The following CERS3 variants were observed in gnomAD, a reference collection of about 807,000 sequenced individuals.
CERS3 encodes LAG1 homolog, ceramide synthase 3.
A neutral mutation model predicts 50.3 loss-of-function variants in CERS3; 33 were observed. That is an observed-to-expected ratio of 0.66 (90% CI 0.50 to 0.88). The LOEUF (loss-of-function observed/expected upper bound fraction) is 0.88, where lower values mean the gene tolerates loss of function less well. Among genes scored for constraint, CERS3 ranks in the 40% least tolerant of loss-of-function variants. The pLI, the probability that CERS3 is intolerant of heterozygous loss-of-function variation, is 0.00. For synonymous variants in CERS3, 176 were observed against 155.2 expected, an observed-to-expected ratio of 1.13 and a Z score of -0.99; for missense variants, 470 against 460.3, an observed-to-expected ratio of 1.02 and a Z score of -0.19.
At chr15:100,543,643 C>T (rs937664610) in intron 1 of CERS3, among the ~76,000 whole-genome samples, 1 of 152,008 alleles carries the variant, frequency 6.6e-6, no homozygotes, top group African/African-American at 2.4e-5. Context: ...GATTCTCCTG[C>T]CTCAGCCTCC....
Position 100,467,837 on chromosome 15 carries a change from GTA to G in CERS3, c.845+1539_845+1540del, listed in dbSNP as rs1224034259. Among the ~76,000 whole-genome samples, 80 of 56,380 alleles carry G rather than the reference GTA, an allele frequency of 1.4e-3. 3 individuals carry two copies. Among genetic ancestry groups the G allele is most frequent in the Middle Eastern group, 0.017 (2 of 116 alleles). 37.0% of individuals were successfully genotyped at this position (56,380 alleles called of 152,430 possible). Reference sequence around the variant, plus strand: ...TATATATATGTGTATATATATACGTGTATATATATATATATAGATAGATAGAT... The same window carrying G: ...TATATATATGTGTATATATATACGTGTATATATATATATAGATAGATAGAT... On this transcript the variant is annotated intron_variant, in intron 10 of 11. Transcript: ENST00000679737.
intron 11 of CERS3, among the ~76,000 whole-genome samples, chr15:100,444,687 T>C (rs2033857129): frequency 6.6e-6 from 1 of 152,292 alleles, no homozygotes; most frequent in Non-Finnish European, 1.5e-5. Flanking sequence ...TCCCTACACA[T>C]CAAGCTCAGG....
At chr15:100,456,172 T>A in intron 10 of CERS3, 126 bp from the exon 11 acceptor site, 1 of 577,570 alleles carries the variant, frequency 1.7e-6, no homozygotes, top group Non-Finnish European at 2.7e-6. Flanking sequence ...CCCAGAAAAT[T>A]ATCAAAAGAA....
upstream of CERS3, among the ~76,000 whole-genome samples, chr15:100,533,226 T>A (rs10902580): frequency 0.53 from 81,236 of 151,922 alleles, 22,111 homozygotes; most frequent in South Asian, 0.65. Context: ...CTCTCCTGCT[T>A]CATTTTCCTC....
chr15:100,497,883 ACACACACACACAC>A (rs1388673774), intron 3 of CERS3, among the ~76,000 whole-genome samples: 1 of 76,792 alleles, frequency 1.3e-5, no homozygotes, highest in African/African-American at 4.8e-5. Flanking sequence ...ACACACACAC[ACACACACACACAC>A]TTTTTTTTTT....
At chr15:100,527,131 C>T (rs180927834) in intron 1 of CERS3, among the ~76,000 whole-genome samples, 2 of 152,056 alleles carry the variant, frequency 1.3e-5, no homozygotes. Context: ...CCCATCTCTA[C>T]TAAAACTACA....
chr15:100,432,826 GC>G (rs1402619584), intron 11 of CERS3, among the ~76,000 whole-genome samples: 4 of 152,168 alleles, frequency 2.6e-5, no homozygotes, highest in Non-Finnish European at 5.9e-5. Context: ...AGGTGGTAGG[GC>G]TTGATGACTG....
intron 9 of CERS3, 78 bp downstream of exon 9, chr15:100,472,846 C>T (rs1025685223): frequency 6.4e-7 from 1 of 1,566,376 alleles, no homozygotes; most frequent in Non-Finnish European, 8.8e-7. Context: ...TGCTAAATTG[C>T]TCACAATTAC....
In CERS3 at chr15:100,430,147, C is replaced by T. The variant is rs575039662; in HGVS notation, c.999+25746G>A. Reference sequence around the variant, plus strand: ...CTAACACGGTGGAACCCTGTCTCTACTAAAAATACAAAAAGTTAGCCAGTT... The same window carrying T: ...CTAACACGGTGGAACCCTGTCTCTATTAAAAATACAAAAAGTTAGCCAGTT... On this transcript the variant is annotated intron_variant, in intron 11 of 11. Coordinates refer to ENST00000679737, the MANE Select transcript of CERS3 (RefSeq NM_001378789.1). Among the ~76,000 whole-genome samples the T allele has an allele frequency of 1.4e-4, 22 of 151,900 alleles. No homozygotes were observed. The East Asian group carries it at 4.3e-3, about 29-fold the overall frequency.
At chr15:100,508,980 G>A (rs559135023) in intron 2 of CERS3, among the ~76,000 whole-genome samples, 3 of 152,230 alleles carry the variant, frequency 2.0e-5, no homozygotes, top group East Asian at 3.9e-4. Flanking sequence ...AAATGCCTGC[G>A]TTTATTTCTT....
intron 4 of CERS3, among the ~76,000 whole-genome samples, chr15:100,490,522 T>G (rs1567657634): frequency 6.6e-6 from 1 of 152,210 alleles, no homozygotes; most frequent in East Asian, 1.9e-4. Flanking sequence ...ATTTGACCAT[T>G]AAAAATTAAA....
At chr15:100,489,303 G>A (rs79886818) in intron 4 of CERS3, among the ~76,000 whole-genome samples, 2,347 of 152,198 alleles carry the variant, frequency 0.015, 62 homozygotes, top group African/African-American at 0.053. Flanking sequence ...CTCATTAGCC[G>A]AACGACCACT....
chr15:100,523,420 C>T (rs752493864), intron 1 of CERS3, among the ~76,000 whole-genome samples: 3 of 152,116 alleles, frequency 2.0e-5, no homozygotes, highest in Middle Eastern at 3.4e-3. Context: ...TTTAAGAAAT[C>T]GCCAAGTGTA....
chr15:100,438,399 T>C (rs2033528241), intron 11 of CERS3, among the ~76,000 whole-genome samples: 2 of 152,148 alleles, frequency 1.3e-5, no homozygotes, highest in South Asian at 4.1e-4. Context: ...CCAGTAGGTG[T>C]ATACATATAT....
At chr15:100,488,027 A>C (rs1041755479) in intron 4 of CERS3, among the ~76,000 whole-genome samples, 1 of 152,240 alleles carries the variant, frequency 6.6e-6, no homozygotes, top group Non-Finnish European at 1.5e-5. Flanking sequence ...TGTTGGTCAG[A>C]GTTGTTGGTC....
At chr15:100,544,460 G>GGGGACACGGGCCC (rs1567697426) in intron 1 of CERS3, 1 of 47,292 alleles carries the variant, frequency 2.1e-5, no homozygotes, top group Admixed American at 2.1e-4. Flanking sequence ...CTCGGCCTAG[G>GGGGACACGGGCCC]TCTGCGCGGG....
intron 5 of CERS3, among the ~76,000 whole-genome samples, chr15:100,482,486 C>T (rs1041491906): frequency 6.6e-6 from 1 of 152,114 alleles, no homozygotes; most frequent in African/African-American, 2.4e-5. Flanking sequence ...AGCCCTTTCT[C>T]CAACACTGAG....
intron 4 of CERS3, among the ~76,000 whole-genome samples, chr15:100,486,232 C>T (rs60181434): frequency 0.023 from 3,549 of 152,276 alleles, 140 homozygotes; most frequent in African/African-American, 0.081. Context: ...TGTGACCAGC[C>T]GGATAGCTTC....
chr15:100,444,893 A>C (rs1425027233), intron 11 of CERS3, among the ~76,000 whole-genome samples: 1 of 152,166 alleles, frequency 6.6e-6, no homozygotes, highest in Non-Finnish European at 1.5e-5. Flanking sequence ...TCCCACCTCT[A>C]TATAGTCCAA....
Sources: gnomAD v4.1 joint callset for allele counts (sites outside exome capture counted in the v4.1 genomes callset) on GRCh38, gnomAD v4.1.1 for gene constraint, MANE v1.5 for transcripts, NCBI Gene and HGNC (gene_info 2026-07-23, HGNC 2026-07-21) for gene names.